KLF15: variants seen among roughly 807,000 people sequenced by gnomAD.
The protein encoded by KLF15 is Krueppel-like factor 15.
A neutral mutation model predicts 24.6 loss-of-function variants in KLF15; 4 were observed. That is an observed-to-expected ratio of 0.16 (90% CI 0.08 to 0.37). KLF15 has a LOEUF of 0.37. Among genes scored for constraint, KLF15 ranks in the 10% least tolerant of loss-of-function variants. The probability of loss-of-function intolerance (pLI) is 1.00; values close to 1 mark genes in which losing one functional copy is unlikely to be tolerated. For synonymous variants in KLF15, 246 were observed against 236.3 expected (o/e 1.04, Z -0.37); for missense variants, 496 against 560.6 (o/e 0.88, Z 1.16).
Position 126,352,509 on chromosome 3 carries a change from C to T in KLF15, c.414G>A (p.Gln138=). 6.2e-7 allele frequency: 1 copy of T among 1,613,244 alleles called. No individual in the cohort carries two copies. Among genetic ancestry groups the T allele is most frequent in the Non-Finnish European group, 8.5e-7 (1 of 1,180,022 alleles). The change falls in exon 2 of 3, where the codon CAG becomes CAA. Residue 138 remains glutamine (Q), a synonymous_variant. Transcript: ENST00000296233. The stretch of plus-strand genomic sequence containing the variant: ...ACTCTTCAATCTCCTCCAGGGTAGG[C>T]TGGAAGGGCCGTGGGACGTCATCAG... The part of the protein sequence containing the change: ...GDPDDVPRPF[Q]PTLEEIEEFL...
the KLF15 span, among the ~76,000 whole-genome samples, chr3:126,295,395 G>A: frequency 6.6e-6 from 1 of 152,186 alleles, no homozygotes; most frequent in Non-Finnish European, 1.5e-5. Context: ...CTACATCCAG[G>A]CCTTTGCTCG....
the KLF15 span, among the ~76,000 whole-genome samples, chr3:126,289,551 C>T: frequency 1.3e-5 from 2 of 152,234 alleles, no homozygotes; most frequent in Non-Finnish European, 1.5e-5. Context: ...AGCATATCCT[C>T]AACTTCACTA....
chr3:126,306,580 C>T, the KLF15 span, among the ~76,000 whole-genome samples: 327 of 152,352 alleles, frequency 2.1e-3, 1 homozygote, highest in African/African-American at 7.5e-3. Flanking sequence ...TACACATGCA[C>T]ACGTGAATAC....
At chr3:126,346,662 G>T (rs2082537742) in intron 2 of KLF15, among the ~76,000 whole-genome samples, 1 of 152,150 alleles carries the variant, frequency 6.6e-6, no homozygotes, top group South Asian at 2.1e-4. Context: ...CCTCCCTGCT[G>T]CCACAGGGTC....
rs1044080387 is a variant in KLF15 at position 126,352,214 on chromosome 3, C to T, written c.709G>A (p.Ala237Thr). 1 of 1,543,420 alleles carries T rather than the reference C, an allele frequency of 6.5e-7. No homozygotes were observed. Among genetic ancestry groups the T allele is most frequent in the African/African-American group, 1.4e-5 (1 of 73,020 alleles). The change falls in exon 2 of 3, where the codon GCC becomes ACC. Residue 237 changes from alanine to threonine, a missense_variant. Physicochemically the swap from Ala to Thr is moderately conservative, Grantham distance 58. Around this residue, in one of 3 missense-constraint regions of KLF15, gnomAD observed 399 missense variants for 423.1 expected, o/e 0.94. Coordinates refer to ENST00000296233, the MANE Select transcript of KLF15 (RefSeq NM_014079.4). ...PVKQESGTGP[A>T]SPGQAPENVK... ...TTCTCTGGGGCTTGCCCAGGGGAGG[C>T]AGGCCCTGTGCCCGATTCCTGCTTC...
chr3:126,318,170 A>C, the KLF15 span, among the ~76,000 whole-genome samples: 1 of 152,090 alleles, frequency 6.6e-6, no homozygotes, highest in Non-Finnish European at 1.5e-5. Context: ...CCATGTTTTC[A>C]TGCTATGCAA....
the KLF15 span, among the ~76,000 whole-genome samples, chr3:126,297,203 C>T: frequency 6.6e-6 from 1 of 151,618 alleles, no homozygotes; most frequent in South Asian, 2.1e-4. Context: ...CTTAAAGAGT[C>T]ACCTGTTTTT....
chr3:126,300,250 C>A, the KLF15 span, among the ~76,000 whole-genome samples: 1 of 152,178 alleles, frequency 6.6e-6, no homozygotes, highest in Admixed American at 6.5e-5. Context: ...CCATCCGACC[C>A]CTGAGCGGCT....
the KLF15 span, among the ~76,000 whole-genome samples, chr3:126,307,913 C>G: frequency 6.6e-6 from 1 of 152,170 alleles, no homozygotes; most frequent in African/African-American, 2.4e-5. Context: ...CCTCCTTAGC[C>G]CCCCTTGTCT....
chr3:126,309,479 G>T, the KLF15 span, among the ~76,000 whole-genome samples: 1 of 152,236 alleles, frequency 6.6e-6, no homozygotes, highest in South Asian at 2.1e-4. Context: ...CGAGTTGGAG[G>T]TGTCAGTGGG....
downstream of KLF15, among the ~76,000 whole-genome samples, chr3:126,340,262 T>A (rs1243362460): frequency 1.3e-5 from 2 of 152,250 alleles, no homozygotes; most frequent in Non-Finnish European, 2.9e-5. Context: ...CCAGCCTCCC[T>A]GGCAGTGGAT....
chr3:126,314,029 A>G, the KLF15 span, among the ~76,000 whole-genome samples: 4 of 152,220 alleles, frequency 2.6e-5, no homozygotes, highest in Non-Finnish European at 5.9e-5. Context: ...GAGGTGAGAC[A>G]GAAACTGCAT....
At chr3:126,323,426 T>C in the KLF15 span, among the ~76,000 whole-genome samples, 1 of 37,956 alleles carries the variant, frequency 2.6e-5, no homozygotes, top group African/African-American at 8.0e-5. Context: ...TATATATATA[T>C]ATATATATAA....
chr3:126,346,416 C>T (rs954299370), intron 2 of KLF15, among the ~76,000 whole-genome samples: 1 of 152,166 alleles, frequency 6.6e-6, no homozygotes, highest in African/African-American at 2.4e-5. Flanking sequence ...GAGTCTCAGG[C>T]TCCTGCCTTG....
chr3:126,294,864 TAC>T, the KLF15 span, among the ~76,000 whole-genome samples: 14,172 of 141,686 alleles, frequency 0.1, 1,098 homozygotes, highest in African/African-American at 0.23. Flanking sequence ...TGCCCCTCCA[TAC>T]ACACACACAC....
At chr3:126,334,362 C>A in the KLF15 span, among the ~76,000 whole-genome samples, 1 of 136,620 alleles carries the variant, frequency 7.3e-6, no homozygotes, top group Non-Finnish European at 1.6e-5. Flanking sequence ...TAAAGATGTT[C>A]TTTGAAACCA....
At chr3:126,336,061 T>C in the KLF15 span, among the ~76,000 whole-genome samples, 5 of 105,648 alleles carry the variant, frequency 4.7e-5, no homozygotes, top group South Asian at 1.9e-3. Flanking sequence ...CTTCACAGAA[T>C]TGGAAAAAAC....
In KLF15 at chr3:126,356,701, G is replaced by A. The variant is rs1211211174; in HGVS notation, c.-26+536C>T. ...GTGGAGCCGCCGTGGGTGCCGGCGG[G>A]TGAGGGGAAACGTGCGTGGGAAATG... is the stretch of plus-strand genomic sequence containing the variant. On this transcript the variant is annotated intron_variant, in intron 1 of 2. Coordinates refer to ENST00000296233, the MANE Select transcript of KLF15 (RefSeq NM_014079.4). The surrounding 1 kb of genome is among the most constrained non-coding windows in gnomAD (Gnocchi z 4.4). Among the ~76,000 whole-genome samples the A allele has an allele frequency of 6.6e-6, 1 of 152,096 alleles. No homozygotes were observed. The highest frequency in any genetic ancestry group is 2.0e-4 in the East Asian group (1 of 5,124).
At chr3:126,302,068 A>G in the KLF15 span, among the ~76,000 whole-genome samples, 2 of 152,200 alleles carry the variant, frequency 1.3e-5, no homozygotes, top group African/African-American at 4.8e-5. Flanking sequence ...GCAAGTATTA[A>G]TATGTCACAT....
Sources: gnomAD v4.1 joint callset for allele counts (sites outside exome capture counted in the v4.1 genomes callset) on GRCh38, gnomAD v4.1.1 for gene constraint, gnomAD v4.1.1 regional missense constraint, Gnocchi (gnomAD v3.1) non-coding constraint, MANE v1.5 for transcripts, NCBI Gene and HGNC (gene_info 2026-07-23, HGNC 2026-07-21) for gene names.